The following MOB3A variants were observed in gnomAD, a reference collection of about 807,000 sequenced individuals.
The protein encoded by MOB3A is MOB LAK.
Under a neutral mutation model 17.8 loss-of-function variants are expected in MOB3A, and 17 were observed. The ratio of observed to expected loss-of-function variants is 0.95; its 90% CI spans 0.65 to 1.43. The LOEUF is 1.43. Ranked by LOEUF, MOB3A falls within the 40% of genes most tolerant of loss-of-function variation. The probability of loss-of-function intolerance (pLI) is 0.00; values close to 1 mark genes in which losing one functional copy is unlikely to be tolerated. For missense variants in MOB3A, 333 were observed against 310.8 expected (o/e 1.07, Z -0.54); for synonymous variants, 124 against 133.2 (o/e 0.93, Z 0.48).
intron 1 of MOB3A, among the ~76,000 whole-genome samples, chr19:2,091,187 A>G (rs1005965119): frequency 1.7e-4 from 26 of 152,148 alleles, no homozygotes; most frequent in African/African-American, 6.0e-4. Context: ...GTCATTCCCA[A>G]GCCCATCTGG....
At chr19:2,080,262 G>T (rs1003327601) in intron 2 of MOB3A, among the ~76,000 whole-genome samples, 4 of 152,160 alleles carry the variant, frequency 2.6e-5, no homozygotes, top group African/African-American at 9.7e-5. Flanking sequence ...CCAGCAGAAG[G>T]GGGAGTCAGA....
At chr19:2,095,597 C>A (rs1278151599) in intron 1 of MOB3A, among the ~76,000 whole-genome samples, 2 of 152,222 alleles carry the variant, frequency 1.3e-5, no homozygotes, top group African/African-American at 4.8e-5. Context: ...CAGCTCGACC[C>A]CGCACCCTGT....
rs1410620174 is a variant in MOB3A, at chr19:2,093,046, G to T, written c.-274+3180C>A. On this transcript the variant is annotated intron_variant, in intron 1 of 4. Transcript: ENST00000357066. This position sits in a 1 kb window ranked among gnomAD's most constrained non-coding sequence, Gnocchi z 4.6. ...AACAGGAACAGAGCTCATCGGCTGG[G>T]GAAGGTCTAAAACTCCCCACCTTAA... Among the ~76,000 whole-genome samples, 1 of 152,118 alleles carries T rather than the reference G, an allele frequency of 6.6e-6. No individual in the cohort carries two copies. Among genetic ancestry groups the T allele is most frequent in the South Asian group, 2.1e-4 (1 of 4,832 alleles).
intron 4 of MOB3A, among the ~76,000 whole-genome samples, chr19:2,075,449 C>A (rs1358660684): frequency 6.6e-6 from 1 of 151,982 alleles, no homozygotes; most frequent in East Asian, 1.9e-4. Flanking sequence ...GCCTGGGCAT[C>A]ATAGTGAGAC....
At chr19:2,094,799 A>C (rs886375785) in intron 1 of MOB3A, among the ~76,000 whole-genome samples, 1 of 152,272 alleles carries the variant, frequency 6.6e-6, no homozygotes. Flanking sequence ...ATCTGCTTTG[A>C]ATACGGGCAG....
intron 3 of MOB3A, among the ~76,000 whole-genome samples, chr19:2,077,909 G>C (rs552140700): frequency 6.6e-6 from 1 of 151,722 alleles, no homozygotes; most frequent in East Asian, 1.9e-4. Context: ...TTAGCCTCCC[G>C]AGTAGCTGCG....
In MOB3A at chr19:2,093,916, C is replaced by G. The variant is rs920577622; in HGVS notation, c.-274+2310G>C. 6.6e-6 allele frequency among the ~76,000 whole-genome samples: 1 copy of G among 151,828 alleles called. No individual in the cohort carries two copies. Among genetic ancestry groups the G allele is most frequent in the Admixed American group, 6.6e-5 (1 of 15,220 alleles). On this transcript the variant is annotated intron_variant, in intron 1 of 4. Transcript: ENST00000357066. The surrounding 1 kb of genome is among the most constrained non-coding windows in gnomAD (Gnocchi z 4.6). ...TGTAATCGGTAGATCTCAGTGAGTTCTAATAAACAGGTCCCTGACAACTGC... is the reference window on the plus strand; with the variant it reads ...TGTAATCGGTAGATCTCAGTGAGTTGTAATAAACAGGTCCCTGACAACTGC...
upstream of MOB3A, chr19:2,096,370 A>C (rs2017697744): frequency 6.5e-6 from 1 of 154,474 alleles, no homozygotes; most frequent in Non-Finnish European, 1.4e-5. Context: ...GCACCCGCGG[A>C]CCGGACCTAC....
rs2017538090 is a variant in MOB3A, at chr19:2,085,195, C to T, written c.-140G>A. ...GTTACCGTGTCTGGGGCTCCCTCCGCTCTGCTCTTCTCGGATTCCTCCAGG... is the reference window on the plus strand; with the variant it reads ...GTTACCGTGTCTGGGGCTCCCTCCGTTCTGCTCTTCTCGGATTCCTCCAGG... On this transcript the variant is annotated 5_prime_UTR_variant, in exon 2 of 5. Transcript: ENST00000357066. The T allele has an allele frequency of 6.6e-6, 1 of 152,092 alleles. No individual in the cohort carries two copies. Among genetic ancestry groups the T allele is most frequent in the African/African-American group, 2.4e-5 (1 of 41,410 alleles). 9.4% of individuals were successfully genotyped at this position (152,092 alleles called of 1,614,324 possible). A position where few individuals can be genotyped will look rare whatever the true frequency, so the allele number is the denominator to read the frequency against.
In MOB3A at chr19:2,079,612, C is replaced by T. The variant is rs59500988; in HGVS notation, c.-119-933G>A. 9.8e-5 allele frequency among the ~76,000 whole-genome samples: 15 copies of T among 152,312 alleles called. No homozygotes were observed. In the East Asian group the frequency reaches 1.9e-3, roughly 20 times the overall value. On this transcript the variant is annotated intron_variant, in intron 2 of 4. Coordinates refer to ENST00000357066, the MANE Select transcript of MOB3A (RefSeq NM_130807.3). ...CCTCGGCCTCAGAGGGACCCAGCCCCGCCCACACCTTCGTCTCAGACGTGC... is the reference window on the plus strand; with the variant it reads ...CCTCGGCCTCAGAGGGACCCAGCCCTGCCCACACCTTCGTCTCAGACGTGC...
At chr19:2,073,848 C>T (rs561903326) in intron 4 of MOB3A, among the ~76,000 whole-genome samples, 25 of 152,130 alleles carry the variant, frequency 1.6e-4, no homozygotes, top group East Asian at 1.2e-3. Flanking sequence ...CTGGATAACA[C>T]GGTGAAATCC....
rs537728298 is a variant in MOB3A at position 2,072,643 on chromosome 19, T to G, written c.*752A>C. ...GAGTGCATTGAGGAAGAGAGAGGGC[T>G]GGGTGCGGTGGCTCACCCCTGTGAT... is the stretch of plus-strand genomic sequence containing the variant. On this transcript the variant is annotated 3_prime_UTR_variant, in exon 5 of 5. Coordinates refer to ENST00000357066, the MANE Select transcript of MOB3A (RefSeq NM_130807.3). The G allele has an allele frequency of 4.6e-5, 7 of 151,798 alleles. No homozygotes were observed. In the East Asian group the frequency reaches 1.4e-3, roughly 29 times the overall value. The allele number at this position is 151,798 out of a possible 1,614,324, so 9.4% of individuals were successfully genotyped here.
At chr19:2,079,893 G>A (rs2017464703) in intron 2 of MOB3A, among the ~76,000 whole-genome samples, 2 of 152,242 alleles carry the variant, frequency 1.3e-5, no homozygotes, top group Non-Finnish European at 2.9e-5. Flanking sequence ...ACGCCTGAGC[G>A]GTGACTTGTG....
chr19:2,076,697 C>A, intron 4 of MOB3A, 114 bp downstream of exon 4: 1 of 1,086,482 alleles, frequency 9.2e-7, no homozygotes, highest in Non-Finnish European at 1.3e-6. Flanking sequence ...CAGCCGGGGC[C>A]GCCAGCTGCT....
At chr19:2,090,336 G>A (rs953452859) in intron 1 of MOB3A, among the ~76,000 whole-genome samples, 5 of 152,206 alleles carry the variant, frequency 3.3e-5, no homozygotes, top group Admixed American at 2.6e-4. Context: ...GTGGCCCAGA[G>A]GATGTTGGCG....
chr19:2,078,716 G>A (rs1325922804), intron 2 of MOB3A, 37 bp from the exon 3 acceptor site: 13 of 701,660 alleles, frequency 1.9e-5, no homozygotes, highest in African/African-American at 1.1e-4. Context: ...TGCTGGAGGC[G>A]ACAGAATTTC....
chr19:2,088,310 A>G (rs2017576336), intron 1 of MOB3A, among the ~76,000 whole-genome samples: 1 of 151,846 alleles, frequency 6.6e-6, no homozygotes, highest in Admixed American at 6.6e-5. Context: ...TGTTTGCTTT[A>G]TTTTATTTTT....
intron 2 of MOB3A, among the ~76,000 whole-genome samples, chr19:2,084,960 G>A (rs1452108120): frequency 2.0e-5 from 3 of 152,058 alleles, no homozygotes; most frequent in South Asian, 2.1e-4. Context: ...CTGGCCTCAC[G>A]CAATCCTCCC....
At chr19:2,088,306 CTTTAT>C (rs2017576299) in intron 1 of MOB3A, among the ~76,000 whole-genome samples, 2 of 151,994 alleles carry the variant, frequency 1.3e-5, no homozygotes, top group South Asian at 4.1e-4. Context: ...TTCTTGTTTG[CTTTAT>C]TTTATTTTTT....
Sources: allele counts gnomAD v4.1 joint callset (sites outside exome capture counted in the v4.1 genomes callset), GRCh38; gene constraint gnomAD v4.1.1; non-coding constraint Gnocchi (gnomAD v3.1); transcripts MANE v1.5; gene names NCBI Gene and HGNC (gene_info 2026-07-23, HGNC 2026-07-21).